The following EIF3H variants were observed in gnomAD, a reference collection of about 807,000 sequenced individuals.
EIF3H encodes eIF-3-gamma.
Under a neutral mutation model 44.2 loss-of-function variants are expected in EIF3H, and 26 were observed. That is an observed-to-expected ratio of 0.59 (90% CI 0.43 to 0.82). EIF3H has a LOEUF of 0.82. Ranked by LOEUF, EIF3H falls within the 40% of genes least tolerant of loss-of-function variation. The pLI, the probability that EIF3H is intolerant of heterozygous loss-of-function variation, is 0.00. For synonymous variants in EIF3H, 166 were observed against 151.9 expected (o/e 1.09, Z -0.68); for missense variants, 359 against 432.8 (o/e 0.83, Z 1.51).
intron 1 of EIF3H, among the ~76,000 whole-genome samples, chr8:116,745,288 C>A (rs887146929): frequency 3.3e-5 from 5 of 151,996 alleles, no homozygotes; most frequent in African/African-American, 1.2e-4. Flanking sequence ...ATATCTACTA[C>A]TAAAAATCAT....
chr8:116,736,630 C>A (rs1463085616), intron 1 of EIF3H, among the ~76,000 whole-genome samples: 1 of 152,114 alleles, frequency 6.6e-6, no homozygotes, highest in African/African-American at 2.4e-5. Context: ...CCTTTGCACT[C>A]CAGCCTGGGC....
At chr8:116,751,988 G>T (rs1815352027) in intron 1 of EIF3H, among the ~76,000 whole-genome samples, 1 of 152,026 alleles carries the variant, frequency 6.6e-6, no homozygotes, top group Non-Finnish European at 1.5e-5. Flanking sequence ...GTCAAGCAGA[G>T]ACTAAAAGAA....
chr8:116,679,743 C>T (rs1454169434), intron 2 of EIF3H, among the ~76,000 whole-genome samples: 2 of 9,686 alleles, frequency 2.1e-4, no homozygotes, highest in Non-Finnish European at 2.8e-4. Flanking sequence ...GGCCAGCCGC[C>T]CCGTCCGGGA....
Position 116,752,794 on chromosome 8 carries a change from AG to A in EIF3H, c.132+2871del, listed in dbSNP as rs879760894. 7.2e-3 allele frequency among the ~76,000 whole-genome samples: 616 copies of A among 85,302 alleles called. 53 individuals are homozygous for A. The highest frequency in any genetic ancestry group is 0.025 in the South Asian group (63 of 2,472). The allele number at this position is 85,302 out of a possible 152,430, so 56.0% of individuals were successfully genotyped here. On this transcript the variant is annotated intron_variant, in intron 1 of 7. Coordinates refer to ENST00000521861, the MANE Select transcript of EIF3H (RefSeq NM_003756.3). ...GAGGGAGGGAGGGAGGGAGGGAGGG[AG>A]GGAAGGAAGGAAGGAAGGAAGGAAG... is the stretch of plus-strand genomic sequence containing the variant.
At chr8:116,657,828 A>G (rs745666852) in intron 3 of EIF3H, 10 of 154,030 alleles carry the variant, frequency 6.5e-5, no homozygotes, top group African/African-American at 2.4e-4. Context: ...CTGCTATCAC[A>G]AAAGTGTCTT....
chr8:116,666,111 A>C (rs1454986058), intron 2 of EIF3H, among the ~76,000 whole-genome samples: 5 of 152,218 alleles, frequency 3.3e-5, no homozygotes, highest in African/African-American at 9.6e-5. Flanking sequence ...CCTAGACACT[A>C]ATCTGTTGTA....
chr8:116,680,982 AAAAG>A (rs1220054550), intron 2 of EIF3H, among the ~76,000 whole-genome samples: 3 of 152,038 alleles, frequency 2.0e-5, no homozygotes, highest in East Asian at 1.9e-4. Context: ...TTAAAAAAAA[AAAAG>A]AGTTTACAGT....
intron 2 of EIF3H, among the ~76,000 whole-genome samples, chr8:116,716,072 AAC>A (rs1437627989): frequency 1.3e-5 from 2 of 152,094 alleles, no homozygotes; most frequent in African/African-American, 4.8e-5. Flanking sequence ...AACTTATAAT[AAC>A]AGTTTTCTAG....
intron 5 of EIF3H, among the ~76,000 whole-genome samples, chr8:116,653,279 A>G (rs972950005): frequency 1.3e-5 from 2 of 151,716 alleles, no homozygotes; most frequent in Non-Finnish European, 2.9e-5. Context: ...ACAAGCACAA[A>G]TATGTGGACT....
chr8:116,644,985 T>A lies in EIF3H; in HGVS notation c.*21A>T. 6.3e-7 allele frequency: 1 copy of A among 1,596,790 alleles called. No homozygotes were observed. The highest frequency in any genetic ancestry group is 1.1e-5 in the South Asian group (1 of 90,390). ...GACTTCAAGAGTTCATGTTAACTTC[T>A]TTTCTGGAAACTTCCTTTTCTTAGT... is the stretch of plus-strand genomic sequence containing the variant. On this transcript the variant is annotated 3_prime_UTR_variant, in exon 8 of 8. Coordinates refer to ENST00000521861, the MANE Select transcript of EIF3H (RefSeq NM_003756.3).
chr8:116,722,534 T>C (rs1175664263), intron 2 of EIF3H, among the ~76,000 whole-genome samples: 4 of 152,200 alleles, frequency 2.6e-5, no homozygotes, highest in Non-Finnish European at 4.4e-5. Context: ...TGTTTATTAT[T>C]CTCATGCATG....
intron 2 of EIF3H, among the ~76,000 whole-genome samples, chr8:116,663,837 G>A (rs775647808): frequency 1.3e-5 from 2 of 149,548 alleles, no homozygotes; most frequent in African/African-American, 4.9e-5. Flanking sequence ...AGGCTGAGGC[G>A]CAAGAATTGT....
At position 116,663,035 on chromosome 8, in the gene EIF3H, A is replaced by G. The variant is rs193253642; in HGVS notation, c.290-4055T>C. On this transcript the variant is annotated intron_variant, in intron 2 of 7. Coordinates refer to ENST00000521861, the MANE Select transcript of EIF3H (RefSeq NM_003756.3). ...AATGAGGGAGGGAAGAAGCCTCTGCATATCTGGAATTGGTTTGTGATGAAG... is the reference window on the plus strand; with the variant it reads ...AATGAGGGAGGGAAGAAGCCTCTGCGTATCTGGAATTGGTTTGTGATGAAG... Among the ~76,000 whole-genome samples, 7 of 152,268 alleles carry G rather than the reference A, an allele frequency of 4.6e-5. No homozygotes were observed. In the East Asian group the frequency reaches 9.6e-4, roughly 21 times the overall value.
chr8:116,695,576 G>C (rs1332999357), intron 2 of EIF3H, among the ~76,000 whole-genome samples: 2 of 152,272 alleles, frequency 1.3e-5, no homozygotes, highest in East Asian at 1.9e-4. Flanking sequence ...ATAAGATAGT[G>C]GTTGTCATGG....
At chr8:116,720,076 G>A (rs1246604304) in intron 2 of EIF3H, among the ~76,000 whole-genome samples, 1 of 149,066 alleles carries the variant, frequency 6.7e-6, no homozygotes, top group Non-Finnish European at 1.5e-5. Flanking sequence ...TCTGGAAAAT[G>A]AGACTGAAAA....
At chr8:116,655,759 A>G in intron 5 of EIF3H, 97 bp downstream of exon 5, 15 of 1,295,386 alleles carry the variant, frequency 1.2e-5, no homozygotes, top group Non-Finnish European at 1.7e-5. Context: ...AACGTTCTTA[A>G]GTAACTGTTT....
intron 3 of EIF3H, chr8:116,657,607 GAA>G (rs1268812282): frequency 2.7e-6 from 1 of 367,494 alleles, no homozygotes; most frequent in Admixed American, 4.5e-5. Flanking sequence ...TAACCTTGCT[GAA>G]AATTAAATGT....
intron 1 of EIF3H, among the ~76,000 whole-genome samples, chr8:116,751,458 A>G (rs577752709): frequency 6.6e-6 from 1 of 152,320 alleles, no homozygotes; most frequent in South Asian, 2.1e-4. Context: ...CTGATGAGGA[A>G]AACAAAGAAG....
At chr8:116,663,010 A>T (rs1373845453) in intron 2 of EIF3H, among the ~76,000 whole-genome samples, 1 of 152,178 alleles carries the variant, frequency 6.6e-6, no homozygotes, top group Non-Finnish European at 1.5e-5. Context: ...AAAACAGGTA[A>T]ATGAGGGAGG....
Sources: gnomAD v4.1 joint callset for allele counts (sites outside exome capture counted in the v4.1 genomes callset) on GRCh38, gnomAD v4.1.1 for gene constraint, MANE v1.5 for transcripts, NCBI Gene and HGNC (gene_info 2026-07-23, HGNC 2026-07-21) for gene names.